CARMIL1: variants seen among roughly 807,000 people sequenced by gnomAD.
CARMIL1 encodes the protein capping protein regulator and myosin 1 linker 1.
Under a neutral mutation model 177.1 loss-of-function variants are expected in CARMIL1, and 90 were observed. The ratio of observed to expected loss-of-function variants is 0.51; its 90% confidence interval spans 0.43 to 0.61. CARMIL1 has a LOEUF of 0.61. Among genes scored for constraint, CARMIL1 ranks in the 20% least tolerant of loss-of-function variants. CARMIL1 has a pLI of 0.00. For synonymous variants in CARMIL1, 577 were observed against 606.2 expected (o/e 0.95, Z 0.71); for missense variants, 1,380 against 1,667.0 (o/e 0.83, Z 3.00).
At chr6:25,425,377 A>G (rs937385185) in intron 3 of CARMIL1, among the ~76,000 whole-genome samples, 3 of 152,152 alleles carry the variant, frequency 2.0e-5, no homozygotes, top group South Asian at 2.1e-4. Flanking sequence ...CTTCATCAGT[A>G]TACTTTGAGA....
At chr6:25,519,577 TG>T (rs1309126661) in intron 22 of CARMIL1, among the ~76,000 whole-genome samples, 1 of 152,246 alleles carries the variant, frequency 6.6e-6, no homozygotes, top group Non-Finnish European at 1.5e-5. Flanking sequence ...TTGCTTCATT[TG>T]GTTTCTCGAG....
chr6:25,392,053 CATGTGT>C (rs760737840), intron 2 of CARMIL1, among the ~76,000 whole-genome samples: 15 of 107,578 alleles, frequency 1.4e-4, no homozygotes, highest in South Asian at 5.9e-4. Context: ...TGTGTATATG[CATGTGT>C]GTGTGTGTGT....
At chr6:25,339,352 A>G (rs1379067283) in intron 2 of CARMIL1, among the ~76,000 whole-genome samples, 1 of 152,174 alleles carries the variant, frequency 6.6e-6, no homozygotes, top group Non-Finnish European at 1.5e-5. Flanking sequence ...CTTCTTCCAT[A>G]GTGAGATTTG....
intron 36 of CARMIL1, 51 bp from the exon 37 acceptor site, chr6:25,619,396 C>A: frequency 6.4e-7 from 1 of 1,572,660 alleles, no homozygotes. Context: ...ATCAGTCAGG[C>A]CACTGGTATT....
At chr6:25,548,795 CAA>C (rs1809775912) in intron 26 of CARMIL1, among the ~76,000 whole-genome samples, 1 of 152,136 alleles carries the variant, frequency 6.6e-6, no homozygotes, top group Admixed American at 6.5e-5. Context: ...TAATAGGAAA[CAA>C]GAGTAGGAAA....
intron 31 of CARMIL1, among the ~76,000 whole-genome samples, chr6:25,587,987 A>G (rs1014468213): frequency 6.6e-6 from 1 of 152,228 alleles, no homozygotes; most frequent in African/African-American, 2.4e-5. Context: ...ATTTATTTAA[A>G]AGGCAATAAA....
intron 17 of CARMIL1, among the ~76,000 whole-genome samples, chr6:25,504,119 TC>T (rs1215139643): frequency 6.6e-6 from 1 of 152,182 alleles, no homozygotes; most frequent in East Asian, 1.9e-4. Context: ...GAATTTTTGA[TC>T]CAGATTTAGT....
At chr6:25,497,618 C>T (rs993185128) in intron 16 of CARMIL1, among the ~76,000 whole-genome samples, 1 of 152,170 alleles carries the variant, frequency 6.6e-6, no homozygotes, top group Non-Finnish European at 1.5e-5. Flanking sequence ...AGCCAGCTGT[C>T]ATGGGCTCAG....
chr6:25,281,378 G>A (rs565333063), intron 1 of CARMIL1, among the ~76,000 whole-genome samples: 10 of 152,128 alleles, frequency 6.6e-5, no homozygotes, highest in African/African-American at 2.4e-4. Context: ...AGGGGATAAG[G>A]ATGGCTAAAG....
chr6:25,560,643 A>C (rs762139279), intron 29 of CARMIL1, among the ~76,000 whole-genome samples: 1 of 152,228 alleles, frequency 6.6e-6, no homozygotes, highest in Non-Finnish European at 1.5e-5. Flanking sequence ...CCCAAGGTTA[A>C]CCAAAGGCAG....
At chr6:25,556,063 A>T (rs1810584156) in intron 28 of CARMIL1, among the ~76,000 whole-genome samples, 2 of 152,088 alleles carry the variant, frequency 1.3e-5, no homozygotes, top group Admixed American at 1.3e-4. Context: ...TTCAGATACC[A>T]TTTTCACCAA....
Position 25,387,114 on chromosome 6 carries a change from C to CAAAAAAAAAAAAAAAA in CARMIL1, c.139-32996_139-32981dup, listed in dbSNP as rs377548646. Among the ~76,000 whole-genome samples the CAAAAAAAAAAAAAAAA allele has an allele frequency of 6.1e-4, 62 of 101,914 alleles. 4 individuals are homozygous for CAAAAAAAAAAAAAAAA. In the East Asian group the frequency reaches 7.1e-3, roughly 12 times the overall value. The allele number at this position is 101,914 out of a possible 152,430, so 66.9% of individuals were successfully genotyped here. On this transcript the variant is annotated intron_variant, in intron 2 of 36. Coordinates refer to ENST00000329474, the MANE Select transcript of CARMIL1 (RefSeq NM_017640.6). Reference sequence around the variant, plus strand: ...GGGTGACAGAGTGAGACTCTGTCTCCAAAAAAAAAAAAAAAAAAATCACAA... The same window carrying CAAAAAAAAAAAAAAAA: ...GGGTGACAGAGTGAGACTCTGTCTCCAAAAAAAAAAAAAAAAAAAAAAAAAAAAAAAAAAATCACAA...
intron 12 of CARMIL1, among the ~76,000 whole-genome samples, chr6:25,483,658 A>G (rs568178604): frequency 1.6e-4 from 23 of 144,398 alleles, no homozygotes; most frequent in African/African-American, 5.7e-4. Context: ...CATCCTATGC[A>G]GATTCAGCTT....
chr6:25,398,535 T>C (rs75079553), intron 2 of CARMIL1, among the ~76,000 whole-genome samples: 3,091 of 152,244 alleles, frequency 0.02, 117 homozygotes, highest in East Asian at 0.13. Context: ...TGGGAAGAAG[T>C]TTGTTTTCCA....
At chr6:25,440,788 G>A (rs1224608906) in intron 5 of CARMIL1, among the ~76,000 whole-genome samples, 1 of 151,958 alleles carries the variant, frequency 6.6e-6, no homozygotes, top group Non-Finnish European at 1.5e-5. Flanking sequence ...ACTATATTTA[G>A]AATCCTTAGA....
At chr6:25,563,249 G>A (rs900723594) in intron 29 of CARMIL1, 41 of 985,252 alleles carry the variant, frequency 4.2e-5, no homozygotes, top group Middle Eastern at 5.2e-4. Flanking sequence ...CATCAACGAC[G>A]TTTCGTTTAT....
intron 26 of CARMIL1, among the ~76,000 whole-genome samples, chr6:25,542,953 A>G (rs952979299): frequency 1.3e-5 from 2 of 152,148 alleles, no homozygotes; most frequent in Admixed American, 6.5e-5. Context: ...CTAGTTAAAA[A>G]TTTTCCTTTT....
intron 31 of CARMIL1, among the ~76,000 whole-genome samples, chr6:25,586,170 C>G (rs979419127): frequency 4.1e-5 from 6 of 146,726 alleles, no homozygotes; most frequent in Non-Finnish European, 8.9e-5. Context: ...GGGCGGCTGC[C>G]GGGCAGAGAC....
chr6:25,319,621 C>T lies in CARMIL1; in HGVS notation c.138+34712C>T, dbSNP rs112853516. Among the ~76,000 whole-genome samples, 1,352 of 152,194 alleles carry T rather than the reference C, an allele frequency of 8.9e-3. 18 individuals carry two copies. The highest frequency in any genetic ancestry group is 0.028 in the African/African-American group (1,153 of 41,514). On this transcript the variant is annotated intron_variant, in intron 2 of 36. Coordinates refer to ENST00000329474, the MANE Select transcript of CARMIL1 (RefSeq NM_017640.6). ...ATGAAAGGTACATACACATTTAATACACATTTTTCTGGGGCCCATAGCTTT... is the reference window on the plus strand; with the variant it reads ...ATGAAAGGTACATACACATTTAATATACATTTTTCTGGGGCCCATAGCTTT...
Sources: allele counts gnomAD v4.1 joint callset (sites outside exome capture counted in the v4.1 genomes callset), GRCh38; gene constraint gnomAD v4.1.1; transcripts MANE v1.5; gene names NCBI Gene and HGNC (gene_info 2026-07-23, HGNC 2026-07-21).